SGCZ: variants seen among roughly 807,000 people sequenced by gnomAD.
The protein encoded by SGCZ is sarcoglycan zeta, also known as zeta-sarcoglycan.
SGCZ carries 40 observed loss-of-function variants against 41.3 expected under a neutral mutation model. The observed-to-expected ratio is 0.97, with a 90% CI of 0.75 to 1.26. The LOEUF is 1.26. Among genes scored for constraint, SGCZ ranks in the 50% most tolerant of loss-of-function variants. The pLI is 0.00. For synonymous variants in SGCZ, 206 were observed against 137.5 expected, an observed-to-expected ratio of 1.50 and a Z score of -3.49; for missense variants, 552 against 369.8, an observed-to-expected ratio of 1.49 and a Z score of -4.04.
At chr8:14,300,089 G>C (rs1211237494) in intron 3 of SGCZ, among the ~76,000 whole-genome samples, 3 of 151,960 alleles carry the variant, frequency 2.0e-5, no homozygotes, top group African/African-American at 7.2e-5. Flanking sequence ...GGCAGGGTGA[G>C]ACCTGCCTGA....
At chr8:14,102,329 T>C (rs540648038) in intron 7 of SGCZ, 47 bp downstream of exon 7, 7 of 1,358,474 alleles carry the variant, frequency 5.2e-6, no homozygotes, top group African/African-American at 1.5e-5. Context: ...TACTTGTGTT[T>C]TCAAAGTGGG....
At chr8:15,212,466 T>G (rs915931048) in intron 1 of SGCZ, among the ~76,000 whole-genome samples, 1 of 152,182 alleles carries the variant, frequency 6.6e-6, no homozygotes, top group African/African-American at 2.4e-5. Flanking sequence ...TAGGATTGTT[T>G]GGCTTCTCCT....
At chr8:14,803,320 A>G (rs1022952741) in intron 1 of SGCZ, among the ~76,000 whole-genome samples, 2 of 152,002 alleles carry the variant, frequency 1.3e-5, no homozygotes, top group African/African-American at 2.4e-5. Flanking sequence ...GAGGTACCGG[A>G]TTCATCTCAC....
intron 1 of SGCZ, among the ~76,000 whole-genome samples, chr8:14,688,607 A>G (rs569973238): frequency 1.3e-5 from 2 of 152,226 alleles, no homozygotes; most frequent in African/African-American, 4.8e-5. Flanking sequence ...GCCTTGTAGT[A>G]TAGTTTGAAA....
intron 1 of SGCZ, among the ~76,000 whole-genome samples, chr8:14,962,305 C>T (rs1800990238): frequency 1.3e-5 from 2 of 151,996 alleles, no homozygotes; most frequent in Non-Finnish European, 2.9e-5. Flanking sequence ...TAAGAAAAGA[C>T]ATATTGCCTC....
intron 1 of SGCZ, among the ~76,000 whole-genome samples, chr8:14,828,473 G>C (rs535480372): frequency 6.6e-6 from 1 of 152,304 alleles, no homozygotes; most frequent in East Asian, 1.9e-4. Context: ...ACCTAAATGA[G>C]CTGCAGACAA....
At chr8:14,937,334 G>A (rs1800116233) in intron 1 of SGCZ, among the ~76,000 whole-genome samples, 1 of 151,982 alleles carries the variant, frequency 6.6e-6, no homozygotes, top group African/African-American at 2.4e-5. Flanking sequence ...ATAGTGAATA[G>A]ATGGGAAAAC....
rs574259373 is a variant in SGCZ at position 14,639,204 on chromosome 8, C to A, written c.40-84278G>T. 3.3e-5 allele frequency among the ~76,000 whole-genome samples: 5 copies of A among 151,598 alleles called. No individual in the cohort carries two copies. In the East Asian group the frequency reaches 9.8e-4, roughly 30 times the overall value. On this transcript the variant is annotated intron_variant, in intron 1 of 7. Transcript: ENST00000382080. Reference sequence around the variant, plus strand: ...ACTTTAATGAGAGACTGGAAAAGTGCTAATCAGAAGGATTCTGCTGAAAGT... The same window carrying A: ...ACTTTAATGAGAGACTGGAAAAGTGATAATCAGAAGGATTCTGCTGAAAGT...
chr8:14,562,628 A>T (rs1804240641), intron 1 of SGCZ, among the ~76,000 whole-genome samples: 1 of 152,140 alleles, frequency 6.6e-6, no homozygotes, highest in Non-Finnish European at 1.5e-5. Context: ...TTTTATTTGA[A>T]GGCCTAATTG....
In SGCZ at chr8:14,581,359, G is replaced by A. The variant is rs894361161; in HGVS notation, c.40-26433C>T. Among the ~76,000 whole-genome samples, 42 of 152,004 alleles carry A rather than the reference G, an allele frequency of 2.8e-4. 1 individual carries two copies. Among genetic ancestry groups the A allele is most frequent in the African/African-American group, 1.0e-3 (42 of 41,484 alleles). On this transcript the variant is annotated intron_variant, in intron 1 of 7. Coordinates refer to ENST00000382080, the MANE Select transcript of SGCZ (RefSeq NM_139167.4). ...TGGCCTCAAGCGAACAGCCCACCTC[G>A]ACCTTCCAAAATGCTGGGAATACAG...
At chr8:14,699,642 T>C (rs1809072546) in intron 1 of SGCZ, among the ~76,000 whole-genome samples, 1 of 151,966 alleles carries the variant, frequency 6.6e-6, no homozygotes. Context: ...AAAGAGCTTC[T>C]GCACAGCAAA....
intron 1 of SGCZ, among the ~76,000 whole-genome samples, chr8:14,606,353 C>T (rs17250949): frequency 0.14 from 21,211 of 152,198 alleles, 1,841 homozygotes; most frequent in South Asian, 0.22. Context: ...CTCAATACCA[C>T]AAGTTCTAGC....
At chr8:14,597,511 C>A (rs949937300) in intron 1 of SGCZ, among the ~76,000 whole-genome samples, 3 of 152,060 alleles carry the variant, frequency 2.0e-5, no homozygotes, top group Non-Finnish European at 2.9e-5. Context: ...TCTTTTTGGC[C>A]AGGCTGGAGT....
At chr8:14,604,763 G>A (rs1805695654) in intron 1 of SGCZ, among the ~76,000 whole-genome samples, 1 of 152,032 alleles carries the variant, frequency 6.6e-6, no homozygotes, top group Admixed American at 6.5e-5. Context: ...AATATATTTT[G>A]ATGTGACTGC....
chr8:14,610,216 C>T (rs920883265), intron 1 of SGCZ, among the ~76,000 whole-genome samples: 1 of 152,070 alleles, frequency 6.6e-6, no homozygotes, highest in African/African-American at 2.4e-5. Flanking sequence ...CAAGAATCAC[C>T]TTGACCTAAA....
intron 2 of SGCZ, among the ~76,000 whole-genome samples, chr8:14,433,134 G>T (rs868260397): frequency 6.6e-6 from 1 of 152,098 alleles, no homozygotes; most frequent in Admixed American, 6.5e-5. Context: ...TAAAATTGCA[G>T]TTATTCTTAT....
chr8:14,589,141 A>T (rs1444329267), intron 1 of SGCZ, among the ~76,000 whole-genome samples: 1 of 152,120 alleles, frequency 6.6e-6, no homozygotes, highest in Non-Finnish European at 1.5e-5. Context: ...ATATGTAACA[A>T]ACCTGCACGT....
At chr8:14,713,613 T>C (rs1343105445) in intron 1 of SGCZ, among the ~76,000 whole-genome samples, 1 of 151,660 alleles carries the variant, frequency 6.6e-6, no homozygotes, top group Admixed American at 6.6e-5. Context: ...ATGATATACT[T>C]TGGAAAATAG....
chr8:14,924,328 G>T (rs531141560), intron 1 of SGCZ, among the ~76,000 whole-genome samples: 1 of 152,024 alleles, frequency 6.6e-6, no homozygotes, highest in Non-Finnish European at 1.5e-5. Flanking sequence ...CAATTACTTT[G>T]TAGACCTGCT....
Sources: allele counts gnomAD v4.1 joint callset (sites outside exome capture counted in the v4.1 genomes callset), GRCh38; gene constraint gnomAD v4.1.1; transcripts MANE v1.5; gene names NCBI Gene and HGNC (gene_info 2026-07-23, HGNC 2026-07-21).